Variants in MROH7 observed in about 807,000 individuals in gnomAD.
MROH7 encodes the protein maestro heat-like repeat-containing protein family member 7.
In MROH7, 113 loss-of-function variants were observed where a neutral mutation model predicts 129.2. The observed-to-expected ratio is 0.87, with a 90% CI of 0.75 to 1.02. The LOEUF (loss-of-function observed/expected upper bound fraction) is 1.02, where lower values mean the gene tolerates loss of function less well. Ranked by LOEUF, MROH7 falls within the 50% of genes least tolerant of loss-of-function variation. The pLI is 0.00. For synonymous variants in MROH7, 655 were observed against 667.9 expected, an observed-to-expected ratio of 0.98 and a Z score of 0.30; for missense variants, 1,601 against 1,671.3, an observed-to-expected ratio of 0.96 and a Z score of 0.73.
chr1:54,691,722 C>T (rs1025018670), intron 15 of MROH7, among the ~76,000 whole-genome samples: 3 of 149,628 alleles, frequency 2.0e-5, no homozygotes, highest in African/African-American at 7.4e-5. Flanking sequence ...ACGAGAATTG[C>T]TTTAACCCAG....
intron 7 of MROH7, among the ~76,000 whole-genome samples, chr1:54,671,239 GAAAA>G (rs200209306): frequency 7.1e-6 from 1 of 141,758 alleles, no homozygotes; most frequent in African/African-American, 2.8e-5. Flanking sequence ...TACAAAAAAA[GAAAA>G]AAAAAACTTA....
At chr1:54,701,812 A>G (rs12042583) in intron 19 of MROH7, among the ~76,000 whole-genome samples, 3,569 of 149,376 alleles carry the variant, frequency 0.024, 194 homozygotes, top group East Asian at 0.22. Context: ...CACGTGATCC[A>G]CCCCCACCTC....
chr1:54,653,047 A>G lies in MROH7; in HGVS notation c.121A>G (p.Met41Val), dbSNP rs371212227. The G allele has an allele frequency of 2.5e-5, 40 of 1,614,036 alleles. 1 individual carries two copies. The African/African-American group carries it at 4.5e-4, about 18-fold the overall frequency. Reference sequence around the variant, plus strand: ...TACCATCCCTCAGCCCCACCCAGACATGGCTCAGGTGCCTATGTTGAATCT... The same window carrying G: ...TACCATCCCTCAGCCCCACCCAGACGTGGCTCAGGTGCCTATGTTGAATCT... The part of the protein sequence containing the change: ...SGTIPQPHPD[M>V]AQVPMLNLLP... The change falls in exon 3 of 24, where the codon ATG (methionine) becomes GTG (valine). Residue 41 changes from methionine to valine, a missense_variant. Met to Val is a conservative substitution (Grantham distance 21, BLOSUM62 1). Transcript: ENST00000421030.
chr1:54,682,267 C>T (rs1417793204), intron 13 of MROH7, among the ~76,000 whole-genome samples: 1 of 151,032 alleles, frequency 6.6e-6, no homozygotes, highest in South Asian at 2.1e-4. Flanking sequence ...CGGGTTCAAG[C>T]GATTCTCCTG....
intron 13 of MROH7, among the ~76,000 whole-genome samples, chr1:54,682,022 A>G (rs1645075088): frequency 2.0e-5 from 3 of 152,166 alleles, no homozygotes; most frequent in Admixed American, 6.5e-5. Flanking sequence ...ATCCTTGTTC[A>G]TGTCTGTATT....
intron 22 of MROH7, among the ~76,000 whole-genome samples, chr1:54,708,582 G>A (rs1364660129): frequency 1.3e-5 from 2 of 152,206 alleles, no homozygotes; most frequent in Non-Finnish European, 2.9e-5. Flanking sequence ...CCTTGACCCA[G>A]CATAGTTGAG....
At chr1:54,654,942 C>T (rs1327513887) in intron 3 of MROH7, among the ~76,000 whole-genome samples, 1 of 151,754 alleles carries the variant, frequency 6.6e-6, no homozygotes, top group East Asian at 1.9e-4. Flanking sequence ...TGTCCATGCG[C>T]CAATACTATA....
intron 17 of MROH7, chr1:54,698,303 A>G (rs545838290): frequency 3.1e-4 from 48 of 152,732 alleles, no homozygotes; most frequent in African/African-American, 1.2e-3. Flanking sequence ...CACTTAGAAC[A>G]GTGCCTGGCA....
intron 1 of MROH7, among the ~76,000 whole-genome samples, chr1:54,647,299 T>C (rs1257170744): frequency 2.6e-5 from 4 of 152,152 alleles, no homozygotes; most frequent in Non-Finnish European, 5.9e-5. Context: ...GCATTTTGAG[T>C]TAATTTTTGT....
intron 1 of MROH7, among the ~76,000 whole-genome samples, chr1:54,645,260 G>C (rs760433335): frequency 1.2e-4 from 18 of 151,844 alleles, no homozygotes; most frequent in Admixed American, 1.1e-3. Context: ...TGACATTTTA[G>C]GTATTACATT....
chr1:54,679,178 G>A, intron 11 of MROH7, 85 bp from the exon 12 acceptor site: 9 of 1,363,440 alleles, frequency 6.6e-6, no homozygotes, highest in Non-Finnish European at 9.4e-6. Context: ...GCGTCAGGCA[G>A]TGTTTGTGCC....
In MROH7 at chr1:54,674,161, A is replaced by G. The variant is rs375208574; in HGVS notation, c.1936+10A>G. The G allele has an allele frequency of 6.2e-6, 10 of 1,610,336 alleles. No individual in the cohort carries two copies. The highest frequency in any genetic ancestry group is 4.5e-5 in the East Asian group (2 of 44,848). On this transcript the variant is annotated intron_variant, in intron 10 of 23. Transcript: ENST00000421030. Reference sequence around the variant, plus strand: ...CTGGAGCTCCAAAAACGTAAGCCCTATCGGAGTACTTCTGAAGGAAGTCTT... The same window carrying G: ...CTGGAGCTCCAAAAACGTAAGCCCTGTCGGAGTACTTCTGAAGGAAGTCTT...
intron 2 of MROH7, 24 bp from the exon 3 acceptor site, chr1:54,652,829 C>A: frequency 6.8e-7 from 1 of 1,466,884 alleles, no homozygotes; most frequent in Non-Finnish European, 9.2e-7. Context: ...GGCATGGCTG[C>A]ATTTGTCTTT....
chr1:54,692,603 A>C (rs1421036580), intron 16 of MROH7, 42 bp downstream of exon 16: 3 of 1,593,890 alleles, frequency 1.9e-6, no homozygotes, highest in Non-Finnish European at 2.6e-6. Flanking sequence ...GGGAGGGAGA[A>C]AGAGGGGGAC....
At chr1:54,670,683 C>A in intron 6 of MROH7, 107 bp downstream of exon 6, 2 of 1,314,922 alleles carry the variant, frequency 1.5e-6, no homozygotes, top group Non-Finnish European at 1.0e-6. Context: ...CCCCACCCCT[C>A]GCCCGGTGCC....
chr1:54,668,762 G>A, intron 4 of MROH7, 92 bp from the exon 5 acceptor site: 1 of 845,050 alleles, frequency 1.2e-6, no homozygotes, highest in Admixed American at 2.1e-5. Flanking sequence ...GCCTGTAGGT[G>A]TCGGGTGGTT....
rs1390950895 is a variant in MROH7 at position 54,679,918 on chromosome 1, A to G, written c.2254A>G (p.Met752Val). The change falls in exon 13 of 24, where the codon ATG becomes GTG. Residue 752 changes from methionine to valine, a missense_variant. Met to Val is a conservative substitution (Grantham distance 21). Transcript: ENST00000421030. Reference sequence around the variant, plus strand: ...CCCAGAAATCATGCAAGGCATCTACATGCAGCTGAGCCACATCCAGGAGCC... The same window carrying G: ...CCCAGAAATCATGCAAGGCATCTACGTGCAGCTGAGCCACATCCAGGAGCC... ...VIPEIMQGIYMQLSHIQEPRA... is the reference protein window; with the variant it reads ...VIPEIMQGIYVQLSHIQEPRA... 6.2e-7 allele frequency: 1 copy of G among 1,612,754 alleles called. No individual in the cohort carries two copies. Among genetic ancestry groups the G allele is most frequent in the East Asian group, 2.2e-5 (1 of 44,850 alleles).
Position 54,678,767 on chromosome 1 carries a change from C to A in MROH7, c.1962C>A (p.Asn654Lys), listed in dbSNP as rs779011706. The A allele has an allele frequency of 6.2e-7, 1 of 1,613,846 alleles. No homozygotes were observed. Among genetic ancestry groups the A allele is most frequent in the East Asian group, 2.2e-5 (1 of 44,884 alleles). Residue 654 changes from asparagine (N) to lysine (K), a missense_variant, in exon 11 of 24, where the codon AAC becomes AAA. Physicochemically the swap from Asn to Lys is moderately conservative, Grantham distance 94. Transcript: ENST00000421030. Reference protein sequence around the residue: ...QKRARDKEETNKKELYESNKH... With the variant: ...QKRARDKEETKKKELYESNKH... ...GAGCCAGAGATAAGGAAGAGACCAA[C>A]AAAAAGGAGCTATATGAGAGCAACA... is the stretch of plus-strand genomic sequence containing the variant.
At chr1:54,680,125 GC>G in intron 13 of MROH7, 80 bp downstream of exon 13, 1 of 1,351,228 alleles carries the variant, frequency 7.4e-7, no homozygotes, top group African/African-American at 1.4e-5. Flanking sequence ...ACCCCCTTCT[GC>G]CCAGATAAGC....
Sources: gnomAD v4.1 joint callset for allele counts (sites outside exome capture counted in the v4.1 genomes callset) on GRCh38, gnomAD v4.1.1 for gene constraint, MANE v1.5 for transcripts, NCBI Gene and HGNC (gene_info 2026-07-23, HGNC 2026-07-21) for gene names.